Variants in SMARCA2 observed in about 807,000 individuals in gnomAD.
The protein encoded by SMARCA2 is SWI/SNF-related matrix-associated actin-dependent regulator of chromatin subfamily A member 2.
A neutral mutation model predicts 199.8 loss-of-function variants in SMARCA2; 61 were observed. The ratio of observed to expected loss-of-function variants is 0.31; its 90% CI spans 0.25 to 0.38. The LOEUF (loss-of-function observed/expected upper bound fraction) is 0.38. Ranked by LOEUF, SMARCA2 falls within the 10% of genes least tolerant of loss-of-function variation. The probability of loss-of-function intolerance (pLI) is 1.00; values close to 1 mark genes in which losing one functional copy is unlikely to be tolerated. For synonymous variants in SMARCA2, 935 were observed against 732.0 expected, an observed-to-expected ratio of 1.28 and a Z score of -4.48; for missense variants, 1,344 against 2,012.2, an observed-to-expected ratio of 0.67 and a Z score of 6.35.
intron 9 of SMARCA2, among the ~76,000 whole-genome samples, chr9:2,065,616 A>G (rs1352940376): frequency 6.6e-6 from 1 of 152,230 alleles, no homozygotes; most frequent in Non-Finnish European, 1.5e-5. Flanking sequence ...CCGTTGGCAC[A>G]GTTTTCAGTA....
At chr9:2,075,916 A>T (rs887142233) in intron 12 of SMARCA2, among the ~76,000 whole-genome samples, 1 of 152,246 alleles carries the variant, frequency 6.6e-6, no homozygotes, top group South Asian at 2.1e-4. Context: ...GATATGCTCT[A>T]CAGGACTCTG....
chr9:2,137,584 A>T (rs146665991), intron 27 of SMARCA2, among the ~76,000 whole-genome samples: 1 of 152,294 alleles, frequency 6.6e-6, no homozygotes, highest in Non-Finnish European at 1.5e-5. Flanking sequence ...GCTGAAATAG[A>T]TAGCCCCTGG....
rs547013613 is a variant in SMARCA2, at chr9:2,074,819, C to T, written c.1935+1196C>T. Among the ~76,000 whole-genome samples, 8 of 152,254 alleles carry T rather than the reference C, an allele frequency of 5.3e-5. No homozygotes were observed. The East Asian group carries it at 1.2e-3, about 22-fold the overall frequency. ...GGCAGAGACTGCAGTGAGCTGAGGT[C>T]GTGCCACTGCACTCCAGCCTGGGTG... On this transcript the variant is annotated intron_variant, in intron 12 of 33. Coordinates refer to ENST00000349721, the MANE Select transcript of SMARCA2 (RefSeq NM_003070.5).
chr9:2,056,527 C>T lies in SMARCA2; in HGVS notation c.1174-145C>T, dbSNP rs886796429. ...ACATTTGGCATGATTTTAGTTCCTT[C>T]ATTTAATACAAACCAAAGGTGATTG... is the stretch of plus-strand genomic sequence containing the variant. On this transcript the variant is annotated intron_variant, in intron 6 of 33. Coordinates refer to ENST00000349721, the MANE Select transcript of SMARCA2 (RefSeq NM_003070.5). This position sits in a 1 kb window ranked among gnomAD's most constrained non-coding sequence, Gnocchi z 4.0. The T allele has an allele frequency of 1.6e-6, 1 of 622,948 alleles. No individual in the cohort carries two copies. The allele number at this position is 622,948 out of a possible 1,614,324, so 38.6% of individuals were successfully genotyped here. A position where few individuals can be genotyped will look rare whatever the true frequency, so the allele number is the denominator to read the frequency against.
intron 22 of SMARCA2, among the ~76,000 whole-genome samples, chr9:2,103,195 A>G (rs1822603161): frequency 6.6e-6 from 1 of 152,160 alleles, no homozygotes; most frequent in African/African-American, 2.4e-5. Flanking sequence ...GTAAAGATCC[A>G]GATTGTAAAT....
chr9:2,147,241 CAAAAAAAAA>C (rs5895958), intron 27 of SMARCA2, among the ~76,000 whole-genome samples: 1 of 106,526 alleles, frequency 9.4e-6, no homozygotes, highest in Non-Finnish European at 2.0e-5. Context: ...ACTGAGTGAC[CAAAAAAAAA>C]AAAAAAAAAA....
chr9:2,107,089 T>C (rs1822785199), intron 23 of SMARCA2, among the ~76,000 whole-genome samples: 1 of 152,062 alleles, frequency 6.6e-6, no homozygotes, highest in Admixed American at 6.5e-5. Flanking sequence ...CTGAACAATA[T>C]TAAAAATTTT....
intron 2 of SMARCA2, chr9:2,032,749 C>G (rs1213252306): frequency 2.4e-6 from 1 of 416,568 alleles, no homozygotes; most frequent in Non-Finnish European, 4.2e-6. Context: ...AACAAAAAAA[C>G]AACCCTCCAC....
intron 27 of SMARCA2, among the ~76,000 whole-genome samples, chr9:2,137,721 T>G (rs181241707): frequency 6.6e-6 from 1 of 152,230 alleles, no homozygotes; most frequent in African/African-American, 2.4e-5. Context: ...TCTTCTTGAC[T>G]GCTATGTCCT....
At chr9:2,180,146 C>T (rs1044219224) in intron 29 of SMARCA2, among the ~76,000 whole-genome samples, 1 of 152,092 alleles carries the variant, frequency 6.6e-6, no homozygotes, top group African/African-American at 2.4e-5. Flanking sequence ...CTGCAGTGAT[C>T]CAGAAATCCA....
intron 28 of SMARCA2, among the ~76,000 whole-genome samples, chr9:2,168,033 CTTT>C (rs367986975): frequency 2.3e-4 from 32 of 138,784 alleles, no homozygotes; most frequent in Admixed American, 2.9e-4. Flanking sequence ...TTTTCTTTTT[CTTT>C]TTTTTTTTTT....
intron 19 of SMARCA2, among the ~76,000 whole-genome samples, chr9:2,089,806 G>C (rs543074600): frequency 3.3e-5 from 5 of 152,126 alleles, no homozygotes; most frequent in Non-Finnish European, 7.4e-5. Context: ...GTGGCCATGT[G>C]GGTGCCTTGA....
At chr9:2,185,181 C>A (rs1355813784) in intron 31 of SMARCA2, among the ~76,000 whole-genome samples, 2 of 152,146 alleles carry the variant, frequency 1.3e-5, no homozygotes, top group Non-Finnish European at 2.9e-5. Context: ...AACTAACTCT[C>A]ATCTCCTTCC....
rs968894519 is a variant in SMARCA2 at position 2,144,794 on chromosome 9, T to C, written c.3982-16892T>C. On this transcript the variant is annotated intron_variant, in intron 27 of 33. Coordinates refer to ENST00000349721, the MANE Select transcript of SMARCA2 (RefSeq NM_003070.5). The stretch of plus-strand genomic sequence containing the variant: ...TCCAGAGGTCATTAAGAGACTCACC[T>C]GTTGCTGATCACAACTCATCTCACC... 7.2e-5 allele frequency among the ~76,000 whole-genome samples: 11 copies of C among 151,882 alleles called. No homozygotes were observed. In the East Asian group the frequency reaches 2.1e-3, roughly 30 times the overall value.
chr9:2,033,637 C>T (rs1819171721), intron 3 of SMARCA2, among the ~76,000 whole-genome samples: 2 of 152,232 alleles, frequency 1.3e-5, no homozygotes, highest in Non-Finnish European at 2.9e-5. Flanking sequence ...CAAATTACCA[C>T]AAACAGAAAT....
chr9:2,108,537 C>A (rs1287289190), intron 23 of SMARCA2, among the ~76,000 whole-genome samples: 15 of 152,010 alleles, frequency 9.9e-5, no homozygotes, highest in Admixed American at 9.8e-4. Flanking sequence ...AGTTTTGTAC[C>A]CAGTTTTCAG....
chr9:2,088,592 T>C lies in SMARCA2; in HGVS notation c.2862T>C (p.Val954=). 6.3e-6 allele frequency: 10 copies of C among 1,591,560 alleles called. No homozygotes were observed. Among genetic ancestry groups the C allele is most frequent in the Non-Finnish European group, 8.5e-6 (10 of 1,174,204 alleles). ...TACTAAGGAGACTGAAGAAAGAAGTTGAATCCCAGCTTCCCGAAAAAGTAT... is the reference window on the plus strand; with the variant it reads ...TACTAAGGAGACTGAAGAAAGAAGTCGAATCCCAGCTTCCCGAAAAAGTAT... The part of the protein sequence containing the change: ...PFLLRRLKKE[V]ESQLPEKVEY... Residue 954 remains valine (V), a synonymous_variant, in exon 19 of 34, where the codon GTT becomes GTC. Coordinates refer to ENST00000349721, the MANE Select transcript of SMARCA2 (RefSeq NM_003070.5).
At chr9:2,068,534 G>A (rs550419050) in intron 9 of SMARCA2, among the ~76,000 whole-genome samples, 2 of 152,262 alleles carry the variant, frequency 1.3e-5, no homozygotes, top group South Asian at 2.1e-4. Flanking sequence ...TTTCGTAAAA[G>A]CTATTTTGTC....
intron 5 of SMARCA2, among the ~76,000 whole-genome samples, chr9:2,051,388 C>A (rs1216484157): frequency 1.3e-5 from 2 of 152,134 alleles, no homozygotes; most frequent in East Asian, 3.9e-4. Context: ...GAGAGGTGCA[C>A]CCCCCTCGCT....
Sources: allele counts gnomAD v4.1 joint callset (sites outside exome capture counted in the v4.1 genomes callset), GRCh38; gene constraint gnomAD v4.1.1; non-coding constraint Gnocchi (gnomAD v3.1); transcripts MANE v1.5; gene names NCBI Gene and HGNC (gene_info 2026-07-23, HGNC 2026-07-21).